TARDBP: variants seen among roughly 807,000 people sequenced by gnomAD.
TARDBP encodes the protein TAR DNA-binding protein 43.
Under a neutral mutation model 38.3 loss-of-function variants are expected in TARDBP, and 4 were observed. That is an observed-to-expected ratio of 0.10 (90% CI 0.05 to 0.24). The LOEUF (loss-of-function observed/expected upper bound fraction) is 0.24, where lower values mean the gene tolerates loss of function less well. Ranked by LOEUF, TARDBP falls within the 10% of genes least tolerant of loss-of-function variation. TARDBP has a pLI of 1.00. For missense variants in TARDBP, 202 were observed against 521.9 expected, an observed-to-expected ratio of 0.39 and a Z score of 5.97; for synonymous variants, 184 against 183.8, an observed-to-expected ratio of 1.00 and a Z score of -0.01.
chr1:11,028,367 G>T (rs193037528), downstream of TARDBP, among the ~76,000 whole-genome samples: 8 of 152,250 alleles, frequency 5.3e-5, no homozygotes, highest in African/African-American at 1.9e-4. Flanking sequence ...GTAATCCTAG[G>T]AAAGCAGGAA....
rs1209280218 is a variant in TARDBP at position 11,016,766 on chromosome 1, T to C, written c.239-78T>C. The C allele has an allele frequency of 3.4e-6, 5 of 1,458,006 alleles. No individual in the cohort carries two copies. The East Asian group carries it at 9.1e-5, about 26-fold the overall frequency. 90.3% of individuals were successfully genotyped at this position (1,458,006 alleles called of 1,614,324 possible). A position where few individuals can be genotyped will look rare whatever the true frequency, so the allele number is the denominator to read the frequency against. On this transcript the variant is annotated intron_variant, in intron 2 of 5. Transcript: ENST00000240185. ...CTTAGAGTCTTCTTTTTGCTTCTCATTTCTAGATGTAGGAGGTAGTGTTTT... is the reference window on the plus strand; with the variant it reads ...CTTAGAGTCTTCTTTTTGCTTCTCACTTCTAGATGTAGGAGGTAGTGTTTT...
downstream of TARDBP, chr1:11,027,469 A>G: frequency 6.2e-7 from 1 of 1,614,112 alleles, no homozygotes; most frequent in Non-Finnish European, 8.5e-7. Context: ...TCCAGGGCGG[A>G]TGCATCATGT....
chr1:11,027,715 G>C, downstream of TARDBP: 1 of 1,496,440 alleles, frequency 6.7e-7, no homozygotes. Flanking sequence ...CTTAAATTAT[G>C]ACCGCCTTGA....
rs967326794 is a variant in TARDBP, at chr1:11,024,740, G to A, written c.*2086G>A. ...ACATTGAATACAGTTGAATAAAATC[G>A]CTTACAAAACTCACACTCTCACAAT... On this transcript the variant is annotated 3_prime_UTR_variant, in exon 6 of 6. Transcript: ENST00000240185. 6.6e-6 allele frequency: 1 copy of A among 152,582 alleles called. No individual in the cohort carries two copies. The highest frequency in any genetic ancestry group is 1.5e-5 in the Non-Finnish European group (1 of 68,054). The allele number at this position is 152,582 out of a possible 1,614,324, so 9.5% of individuals were successfully genotyped here. A position where few individuals can be genotyped will look rare whatever the true frequency, so the allele number is the denominator to read the frequency against.
At chr1:11,026,671 T>G (rs1387314398), downstream of TARDBP, 4 of 386,842 alleles carry the variant, frequency 1.0e-5, no homozygotes, top group Non-Finnish European at 1.8e-5. Flanking sequence ...TGACTGTCAC[T>G]CTCGTGGTTT....
At position 11,013,811 on chromosome 1, in the gene TARDBP, C is replaced by T. The variant is rs369718876; in HGVS notation, c.84C>T (p.Leu28=). 15 of 1,613,876 alleles carry T rather than the reference C, an allele frequency of 9.3e-6. No individual in the cohort carries two copies. Among genetic ancestry groups the T allele is most frequent in the African/African-American group, 4.0e-5 (3 of 74,944 alleles). ...CGGAAGACGATGGGACGGTGCTGCT[C>T]TCCACGGTTACAGCCCAGTTTCCAG... is the stretch of plus-strand genomic sequence containing the variant. ...IPSEDDGTVL[L]STVTAQFPGA... The change falls in exon 2 of 6, where the codon CTC becomes CTT. Residue 28 remains leucine, a synonymous_variant. Transcript: ENST00000240185.
chr1:11,020,743 T>TA (rs1361409343), intron 5 of TARDBP, 144 bp downstream of exon 5: 5 of 727,868 alleles, frequency 6.9e-6, no homozygotes, highest in African/African-American at 3.8e-5. Flanking sequence ...CCGTCTCTAT[T>TA]AAAATACAAA....
At chr1:11,012,991 C>A (rs936382868) in intron 1 of TARDBP, among the ~76,000 whole-genome samples, 5 of 152,248 alleles carry the variant, frequency 3.3e-5, no homozygotes, top group Admixed American at 3.3e-4. Flanking sequence ...GGCCCCGGAC[C>A]CGGACAGTGC....
chr1:11,018,910 A>G (rs2100849031), intron 4 of TARDBP, 37 bp downstream of exon 4: 8 of 1,613,788 alleles, frequency 5.0e-6, no homozygotes, highest in Middle Eastern at 1.6e-4. Context: ...TTTGCCAACA[A>G]ACTTCCTTAG....
chr1:11,019,104 G>A (rs775291466), intron 4 of TARDBP: 13 of 571,138 alleles, frequency 2.3e-5, no homozygotes, highest in Non-Finnish European at 3.7e-5. Context: ...CTTCCTTTTC[G>A]CTATGGATGG....
In TARDBP at chr1:11,024,248, A is replaced by G. The variant is rs1004579093; in HGVS notation, c.*1594A>G. 1 of 152,510 alleles carries G rather than the reference A, an allele frequency of 6.6e-6. No homozygotes were observed. The highest frequency in any genetic ancestry group is 2.4e-5 in the African/African-American group (1 of 41,504). The allele number at this position is 152,510 out of a possible 1,614,324, so 9.4% of individuals were successfully genotyped here. On this transcript the variant is annotated 3_prime_UTR_variant, in exon 6 of 6. Transcript: ENST00000240185. ...CACCTGATACCCAGACTTAATTGGTATTTGTTCTTGCATTGGCCAAAGTGA... is the reference window on the plus strand; with the variant it reads ...CACCTGATACCCAGACTTAATTGGTGTTTGTTCTTGCATTGGCCAAAGTGA...
downstream of TARDBP, chr1:11,026,601 T>G (rs1643735745): frequency 3.8e-6 from 1 of 262,330 alleles, no homozygotes; most frequent in African/African-American, 2.2e-5. Flanking sequence ...GAAAAGAGAC[T>G]GGCTTTTTAA....
In TARDBP at chr1:11,024,508, A is replaced by G. The variant is rs185335376; in HGVS notation, c.*1854A>G. 89 of 152,800 alleles carry G rather than the reference A, an allele frequency of 5.8e-4. No individual in the cohort carries two copies. Among genetic ancestry groups the G allele is most frequent in the Non-Finnish European group, 2.2e-4 (15 of 68,054 alleles). The allele number at this position is 152,800 out of a possible 1,614,324, so 9.5% of individuals were successfully genotyped here. On this transcript the variant is annotated 3_prime_UTR_variant, in exon 6 of 6. Transcript: ENST00000240185. ...TAATGCTTTGTAGCAAAGCATATCA[A>G]TTGAAAAGGGAATATCAGCACCTTC...
chr1:11,013,638 ATGGT>A, intron 1 of TARDBP, 74 bp from the exon 2 acceptor site: 1 of 1,209,720 alleles, frequency 8.3e-7, no homozygotes. Flanking sequence ...GAACTCTGAC[ATGGT>A]TTGGGTATTA....
intron 5 of TARDBP, among the ~76,000 whole-genome samples, chr1:11,021,193 T>C (rs1452835756): frequency 6.6e-6 from 1 of 151,888 alleles, no homozygotes; most frequent in Non-Finnish European, 1.5e-5. Context: ...GGCTGGAGTG[T>C]GATGGCGCGA....
chr1:11,013,258 C>T (rs1643448820), intron 1 of TARDBP, among the ~76,000 whole-genome samples: 1 of 152,248 alleles, frequency 6.6e-6, no homozygotes, highest in Non-Finnish European at 1.5e-5. Context: ...TGCCCATATT[C>T]AGTCTTCAGG....
chr1:11,026,753 GAGTC>G, downstream of TARDBP: 2 of 654,340 alleles, frequency 3.1e-6, no homozygotes, highest in Non-Finnish European at 2.4e-6. Context: ...GCCTCACCTG[GAGTC>G]TGTTTTTTTG....
chr1:11,016,817 T>TA, intron 2 of TARDBP, 27 bp from the exon 3 acceptor site: 1 of 1,612,552 alleles, frequency 6.2e-7, no homozygotes, highest in Non-Finnish European at 8.5e-7. Context: ...TGAAGATTTC[T>TA]AAAAGGTTTC....
downstream of TARDBP, chr1:11,025,828 C>G (rs745379336): frequency 3.2e-5 from 5 of 154,900 alleles, no homozygotes; most frequent in Non-Finnish European, 7.3e-5. Context: ...AGGAAGTTAA[C>G]TACTCCGTAA....
Sources: allele counts gnomAD v4.1 joint callset (sites outside exome capture counted in the v4.1 genomes callset), GRCh38; gene constraint gnomAD v4.1.1; transcripts MANE v1.5; gene names NCBI Gene and HGNC (gene_info 2026-07-23, HGNC 2026-07-21).